The following PSD3 variants were observed in gnomAD, a reference collection of about 807,000 sequenced individuals.
PSD3 encodes the protein pleckstrin and Sec7 domain containing 3, also known as PH and SEC7 domain-containing protein 3.
PSD3 carries 49 observed loss-of-function variants against 105.5 expected under a neutral mutation model. The ratio of observed to expected loss-of-function variants is 0.46; its 90% CI spans 0.37 to 0.59. The LOEUF (loss-of-function observed/expected upper bound fraction) is 0.59. PSD3 is among the 20% of genes least tolerant of loss of function. PSD3 has a pLI of 0.00. For synonymous variants in PSD3, 557 were observed against 457.8 expected (o/e 1.22, Z -2.77); for missense variants, 1,561 against 1,263.8 (o/e 1.24, Z -3.57).
At chr8:19,077,293 C>T (rs1055273277) in intron 1 of PSD3, among the ~76,000 whole-genome samples, 39 of 152,128 alleles carry the variant, frequency 2.6e-4, no homozygotes, top group South Asian at 8.3e-4. Context: ...AGCTTTTTAC[C>T]TCATAATCTG....
chr8:19,052,738 C>T (rs334210), intron 1 of PSD3, among the ~76,000 whole-genome samples: 42,790 of 151,794 alleles, frequency 0.28, 7,139 homozygotes, highest in East Asian at 0.57. Context: ...CTAGTTGCTG[C>T]CAATCTTGGT....
At chr8:18,797,476 T>C (rs74610762) in intron 8 of PSD3, among the ~76,000 whole-genome samples, 1,590 of 152,274 alleles carry the variant, frequency 0.01, 27 homozygotes, top group African/African-American at 0.035. Context: ...CAATTCCTTG[T>C]AAGTCTAAAG....
chr8:18,581,030 A>G (rs561525475), intron 12 of PSD3, among the ~76,000 whole-genome samples: 16 of 152,224 alleles, frequency 1.1e-4, no homozygotes, highest in Non-Finnish European at 2.1e-4. Context: ...TGGCAGGGAC[A>G]GACACAAAGC....
intron 2 of PSD3, among the ~76,000 whole-genome samples, chr8:18,909,334 G>C (rs1283201402): frequency 6.6e-6 from 1 of 152,140 alleles, no homozygotes; most frequent in Admixed American, 6.5e-5. Context: ...AACAAACTGT[G>C]ACTGGATGCT....
At chr8:18,923,173 T>C (rs888925012) in intron 2 of PSD3, among the ~76,000 whole-genome samples, 1 of 152,094 alleles carries the variant, frequency 6.6e-6, no homozygotes, top group Admixed American at 6.6e-5. Flanking sequence ...ACACTAACAC[T>C]ACCAACAGCT....
intron 9 of PSD3, among the ~76,000 whole-genome samples, chr8:18,755,301 G>A (rs1003625136): frequency 8.6e-5 from 13 of 151,952 alleles, no homozygotes; most frequent in Non-Finnish European, 1.3e-4. Flanking sequence ...GTGGTGGCAC[G>A]CGCCTGTAAT....
At chr8:18,949,247 ATATATAT>A (rs1823080252) in intron 1 of PSD3, among the ~76,000 whole-genome samples, 1 of 69,966 alleles carries the variant, frequency 1.4e-5, no homozygotes, top group Non-Finnish European at 2.6e-5. Context: ...AAAAAAAAAT[ATATATAT>A]ATATATATAT....
At chr8:18,636,506 G>A (rs531570480) in intron 10 of PSD3, among the ~76,000 whole-genome samples, 1 of 152,126 alleles carries the variant, frequency 6.6e-6, no homozygotes, top group African/African-American at 2.4e-5. Flanking sequence ...TGTAGCCTAA[G>A]TGTACAGTGT....
chr8:19,027,263 A>AGG (rs1827591026), intron 1 of PSD3, among the ~76,000 whole-genome samples: 2 of 152,230 alleles, frequency 1.3e-5, no homozygotes, highest in African/African-American at 2.4e-5. Flanking sequence ...CATTCTGGAC[A>AGG]TAACTGCTGA....
chr8:18,595,746 C>G (rs990754936), intron 12 of PSD3, among the ~76,000 whole-genome samples: 7 of 152,000 alleles, frequency 4.6e-5, no homozygotes, highest in African/African-American at 1.7e-4. Context: ...CATCTATCAT[C>G]AAGGCACGTA....
chr8:18,709,411 C>T (rs866986619), intron 9 of PSD3, among the ~76,000 whole-genome samples: 10 of 152,220 alleles, frequency 6.6e-5, no homozygotes, highest in Admixed American at 2.0e-4. Flanking sequence ...TAATCTCTCC[C>T]GCCTGCTGGC....
intron 12 of PSD3, among the ~76,000 whole-genome samples, chr8:18,591,116 G>T (rs1803572624): frequency 6.6e-6 from 1 of 152,118 alleles, no homozygotes; most frequent in Non-Finnish European, 1.5e-5. Flanking sequence ...TGAAGAGGTT[G>T]TAGTACCCCA....
chr8:18,898,193 T>C (rs1015926332), intron 2 of PSD3, among the ~76,000 whole-genome samples: 2 of 152,300 alleles, frequency 1.3e-5, no homozygotes, highest in South Asian at 4.1e-4. Context: ...ATCTGATGCT[T>C]AGAGGGGTGT....
At chr8:18,819,783 T>C (rs1193197317) in intron 4 of PSD3, among the ~76,000 whole-genome samples, 1 of 152,096 alleles carries the variant, frequency 6.6e-6, no homozygotes, top group Admixed American at 6.5e-5. Flanking sequence ...TTCACCGTGT[T>C]GGCCAGGATG....
In PSD3 at chr8:18,991,686, A is replaced by G. The variant is rs1825816095; in HGVS notation, c.21+21877T>C. Among the ~76,000 whole-genome samples the G allele has an allele frequency of 1.3e-5, 2 of 152,214 alleles. 1 individual carries two copies. The highest frequency in any genetic ancestry group is 4.1e-4 in the South Asian group (2 of 4,828). ...AGGTGTCATTTTAATGCTTGTTTCAATGTCAGGACCTTTAGACAAAGGCAT... is the reference window on the plus strand; with the variant it reads ...AGGTGTCATTTTAATGCTTGTTTCAGTGTCAGGACCTTTAGACAAAGGCAT... On this transcript the variant is annotated intron_variant, in intron 1 of 15. Transcript: ENST00000327040.
chr8:18,782,403 G>A (rs1326727774), intron 8 of PSD3, among the ~76,000 whole-genome samples: 1 of 152,108 alleles, frequency 6.6e-6, no homozygotes, highest in Non-Finnish European at 1.5e-5. Context: ...GGTGGGAGAA[G>A]CAGTGCAGTC....
Position 18,699,892 on chromosome 8 carries a change from C to A in PSD3, c.2173-44207G>T, listed in dbSNP as rs148253730. On this transcript the variant is annotated intron_variant, in intron 9 of 15. Coordinates refer to ENST00000327040, the MANE Select transcript of PSD3 (RefSeq NM_015310.4). ...AAAAAAAAAAACCACAAAAATCAAG[C>A]TGCAGATTCCGCTCCTATATTTTCC... 3.5e-4 allele frequency among the ~76,000 whole-genome samples: 53 copies of A among 151,724 alleles called. 1 individual carries two copies. The highest frequency in any genetic ancestry group is 1.2e-3 in the African/African-American group (51 of 41,446).
intron 9 of PSD3, among the ~76,000 whole-genome samples, chr8:18,734,683 T>C (rs1804015824): frequency 6.6e-6 from 1 of 152,230 alleles, no homozygotes; most frequent in African/African-American, 2.4e-5. Context: ...CAGTGTTGGC[T>C]ACTGTTTTCT....
intron 1 of PSD3, among the ~76,000 whole-genome samples, chr8:18,984,145 A>C (rs1825381940): frequency 6.6e-6 from 1 of 151,320 alleles, no homozygotes; most frequent in Admixed American, 6.6e-5. Flanking sequence ...TGGGAAAATG[A>C]TGCTGAAAGA....
Sources: allele counts gnomAD v4.1 joint callset (sites outside exome capture counted in the v4.1 genomes callset), GRCh38; gene constraint gnomAD v4.1.1; transcripts MANE v1.5; gene names NCBI Gene and HGNC (gene_info 2026-07-23, HGNC 2026-07-21).